HSDL2: variants seen among roughly 807,000 people sequenced by gnomAD.
The protein encoded by HSDL2 is hydroxysteroid dehydrogenase-like protein 2.
Under a neutral mutation model 46.3 loss-of-function variants are expected in HSDL2, and 27 were observed. The ratio of observed to expected loss-of-function variants is 0.58; its 90% CI spans 0.43 to 0.80. The LOEUF is 0.80. HSDL2 is among the 30% of genes least tolerant of loss of function. The pLI, the probability that HSDL2 is intolerant of heterozygous loss-of-function variation, is 0.00. For missense variants in HSDL2, 451 were observed against 502.7 expected, an observed-to-expected ratio of 0.90 and a Z score of 0.98; for synonymous variants, 153 against 163.6, an observed-to-expected ratio of 0.94 and a Z score of 0.50.
At chr9:112,397,828 A>G (rs1831492361) in intron 1 of HSDL2, among the ~76,000 whole-genome samples, 1 of 152,196 alleles carries the variant, frequency 6.6e-6, no homozygotes, top group South Asian at 2.1e-4. Context: ...ACATATGGAG[A>G]AGTAGGACCA....
chr9:112,414,440 G>A lies in HSDL2; in HGVS notation c.396-2401G>A, dbSNP rs558512014. Among the ~76,000 whole-genome samples, 32 of 152,186 alleles carry A rather than the reference G, an allele frequency of 2.1e-4. 1 individual carries two copies. The South Asian group carries it at 5.8e-3, about 28-fold the overall frequency. On this transcript the variant is annotated intron_variant, in intron 4 of 10. Transcript: ENST00000398805. ...TTCAGTAAACGTAACTATTTTATTC[G>A]GCTGAAGGTATCAGTATCTAAGTGT...
intron 10 of HSDL2, among the ~76,000 whole-genome samples, chr9:112,463,397 T>G (rs1446563977): frequency 6.6e-6 from 1 of 151,980 alleles, no homozygotes; most frequent in Non-Finnish European, 1.5e-5. Flanking sequence ...CGAGAGCCAC[T>G]GTACCCAGCC....
chr9:112,444,430 T>C (rs551621928), intron 8 of HSDL2, among the ~76,000 whole-genome samples: 1 of 152,188 alleles, frequency 6.6e-6, no homozygotes, highest in Admixed American at 6.6e-5. Context: ...GGGTTTTTTT[T>C]TTCTTCCCAT....
chr9:112,428,021 T>G (rs190926732), intron 6 of HSDL2, among the ~76,000 whole-genome samples: 67 of 152,330 alleles, frequency 4.4e-4, no homozygotes, highest in African/African-American at 1.6e-3. Context: ...CTGCCGCATA[T>G]AGCTGTGTGG....
chr9:112,402,217 TTTTTC>T, intron 1 of HSDL2, among the ~76,000 whole-genome samples: 1 of 152,280 alleles, frequency 6.6e-6, no homozygotes, highest in Admixed American at 6.5e-5. Flanking sequence ...ATTCTTTTAG[TTTTTC>T]TTTTATGAGT....
At chr9:112,450,837 T>G (rs767751987) in intron 8 of HSDL2, among the ~76,000 whole-genome samples, 4 of 152,196 alleles carry the variant, frequency 2.6e-5, no homozygotes, top group Non-Finnish European at 4.4e-5. Context: ...ATATATATTA[T>G]GTTTAATTGC....
intron 6 of HSDL2, among the ~76,000 whole-genome samples, chr9:112,434,816 G>A (rs1013498907): frequency 6.6e-6 from 1 of 152,134 alleles, no homozygotes; most frequent in South Asian, 2.1e-4. Flanking sequence ...TAAGACTGTT[G>A]GTACTGTCTG....
chr9:112,396,695 C>T (rs1831464435), intron 1 of HSDL2, among the ~76,000 whole-genome samples: 1 of 151,950 alleles, frequency 6.6e-6, no homozygotes, highest in Admixed American at 6.6e-5. Context: ...AGGTAAAGGG[C>T]CAGAACCTTG....
rs112160941 is a variant in HSDL2 at position 112,430,083 on chromosome 9, CAAAAA to C, written c.599-8339_599-8335del. Among the ~76,000 whole-genome samples the C allele has an allele frequency of 3.6e-5, 5 of 137,386 alleles. No individual in the cohort carries two copies. The East Asian group carries it at 1.0e-3, about 28-fold the overall frequency. 90.1% of individuals were successfully genotyped at this position (137,386 alleles called of 152,430 possible). A position where few individuals can be genotyped will look rare whatever the true frequency, so the allele number is the denominator to read the frequency against. On this transcript the variant is annotated intron_variant, in intron 6 of 10. Coordinates refer to ENST00000398805, the MANE Select transcript of HSDL2 (RefSeq NM_032303.5). The stretch of plus-strand genomic sequence containing the variant: ...TGGGCAACAGAGTTAAACCCTATCT[CAAAAA>C]AAAAAAAAGAAAGAAAAGAGATGTT...
intron 10 of HSDL2, among the ~76,000 whole-genome samples, chr9:112,462,634 G>A (rs1248161748): frequency 6.8e-6 from 1 of 146,700 alleles, no homozygotes; most frequent in African/African-American, 2.6e-5. Context: ...GTGTGTGTGT[G>A]TGTGTGTATA....
chr9:112,426,115 GT>G (rs1196330983), intron 6 of HSDL2, among the ~76,000 whole-genome samples: 1 of 152,036 alleles, frequency 6.6e-6, no homozygotes, highest in Admixed American at 6.6e-5. Flanking sequence ...GCTTCTTTGG[GT>G]TTGTGGCACC....
intron 6 of HSDL2, among the ~76,000 whole-genome samples, chr9:112,422,666 G>C (rs907556386): frequency 6.6e-6 from 1 of 152,126 alleles, no homozygotes; most frequent in African/African-American, 2.4e-5. Flanking sequence ...TCTGGAAAGA[G>C]AACAAATAGA....
chr9:112,421,827 T>C (rs954159919), intron 6 of HSDL2, among the ~76,000 whole-genome samples: 3 of 152,162 alleles, frequency 2.0e-5, no homozygotes, highest in Admixed American at 6.5e-5. Flanking sequence ...TTTCCCCTGA[T>C]TGGAGCAGCT....
At chr9:112,401,854 G>C (rs1347168117) in intron 1 of HSDL2, among the ~76,000 whole-genome samples, 1 of 152,066 alleles carries the variant, frequency 6.6e-6, no homozygotes, top group African/African-American at 2.4e-5. Flanking sequence ...TGTTTTACAT[G>C]CTTTTTATAT....
chr9:112,395,535 C>T (rs779878644), intron 1 of HSDL2, among the ~76,000 whole-genome samples: 8 of 152,204 alleles, frequency 5.3e-5, no homozygotes, highest in East Asian at 3.8e-4. Context: ...TGAGGAAGTA[C>T]TTTCCATTGA....
At chr9:112,466,321 G>A (rs146212561) in intron 10 of HSDL2, among the ~76,000 whole-genome samples, 5,231 of 152,298 alleles carry the variant, frequency 0.034, 107 homozygotes, top group Non-Finnish European at 0.052. Context: ...GGGAGGCCGA[G>A]GCGGGCAGAT....
At chr9:112,460,866 G>A (rs1021710932) in intron 10 of HSDL2, among the ~76,000 whole-genome samples, 2 of 152,050 alleles carry the variant, frequency 1.3e-5, no homozygotes, top group African/African-American at 4.8e-5. Flanking sequence ...ATATGGTTTA[G>A]CATCTATATA....
chr9:112,438,474 C>G lies in HSDL2; in HGVS notation c.642C>G (p.Ile214Met), dbSNP rs748034970. The G allele has an allele frequency of 3.7e-6, 6 of 1,609,434 alleles. No individual in the cohort carries two copies. The East Asian group carries it at 1.3e-4, about 36-fold the overall frequency. The change falls in exon 7 of 11, where the codon ATC (isoleucine) becomes ATG (methionine). Residue 214 changes from isoleucine (I) to methionine (M), a missense_variant. By Grantham distance (10) the Ile-to-Met change is conservative (BLOSUM62 1). Coordinates refer to ENST00000398805, the MANE Select transcript of HSDL2 (RefSeq NM_032303.5). The stretch of plus-strand genomic sequence containing the variant: ...TGGATATGCTGGGAGGACCTGGTAT[C>G]GAAAGCCAGTGTAGAAAAGTTGATA... ...AAMDMLGGPG[I>M]ESQCRKVDII... is the part of the protein sequence containing the mutation.
At chr9:112,450,982 T>C (rs12342732) in intron 8 of HSDL2, among the ~76,000 whole-genome samples, 145,437 of 152,176 alleles carry the variant, frequency 0.96, 69,563 homozygotes, top group African/African-American at 0.98. Context: ...GGGTGGATCG[T>C]TTGAGTCTAG....
Sources: allele counts gnomAD v4.1 joint callset (sites outside exome capture counted in the v4.1 genomes callset), GRCh38; gene constraint gnomAD v4.1.1; transcripts MANE v1.5; gene names NCBI Gene and HGNC (gene_info 2026-07-23, HGNC 2026-07-21).